The following GRM7 variants were observed in gnomAD, a reference collection of about 807,000 sequenced individuals.
GRM7 encodes the protein metabotropic glutamate receptor 7.
Under a neutral mutation model 84.5 loss-of-function variants are expected in GRM7, and 35 were observed. That is an observed-to-expected ratio of 0.41 (90% CI 0.32 to 0.55). The LOEUF (loss-of-function observed/expected upper bound fraction) is 0.55. Ranked by LOEUF, GRM7 falls within the 20% of genes least tolerant of loss-of-function variation. The pLI is 0.19. For synonymous variants in GRM7, 487 were observed against 455.1 expected, an observed-to-expected ratio of 1.07 and a Z score of -0.89; for missense variants, 1,003 against 1,194.6, an observed-to-expected ratio of 0.84 and a Z score of 2.36.
At chr3:7,332,383 G>A (rs898508049) in intron 4 of GRM7, among the ~76,000 whole-genome samples, 4 of 152,118 alleles carry the variant, frequency 2.6e-5, no homozygotes, top group Non-Finnish European at 5.9e-5. Flanking sequence ...TTTCCATACA[G>A]CTATGATCAA....
chr3:7,563,640 A>G (rs1268318325), intron 7 of GRM7, among the ~76,000 whole-genome samples: 1 of 152,228 alleles, frequency 6.6e-6, no homozygotes, highest in Admixed American at 6.5e-5. Flanking sequence ...GGACTCTGGT[A>G]TTAAAGGGAA....
At chr3:7,226,790 T>A (rs1194066602) in intron 2 of GRM7, among the ~76,000 whole-genome samples, 1 of 152,228 alleles carries the variant, frequency 6.6e-6, no homozygotes, top group South Asian at 2.1e-4. Context: ...AATGTACTCA[T>A]GCTGTGTTAC....
In GRM7 at chr3:7,461,574, C is replaced by T. The variant is rs756217157; in HGVS notation, c.1376-9C>T. On this transcript the variant is annotated splice_polypyrimidine_tract_variant and intron_variant, in intron 6 of 9. Coordinates refer to ENST00000357716, the MANE Select transcript of GRM7 (RefSeq NM_000844.4). ...CTTTAGAATCTTTCATTTTTTCTGT[C>T]TTCCTTAGGTAGTGCTGGCACTCCA... 4 of 1,606,560 alleles carry T rather than the reference C, an allele frequency of 2.5e-6. No homozygotes were observed. Among genetic ancestry groups the T allele is most frequent in the Admixed American group, 3.4e-5 (2 of 59,646 alleles).
At chr3:7,152,031 C>A (rs1574965807) in intron 2 of GRM7, among the ~76,000 whole-genome samples, 1 of 152,000 alleles carries the variant, frequency 6.6e-6, no homozygotes, top group African/African-American at 2.4e-5. Context: ...AATATAGATA[C>A]TAAACATTTG....
At chr3:7,332,128 C>T (rs891100636) in intron 4 of GRM7, among the ~76,000 whole-genome samples, 5 of 152,146 alleles carry the variant, frequency 3.3e-5, no homozygotes, top group African/African-American at 1.2e-4. Flanking sequence ...GACACCACAC[C>T]TGAGCAGGAT....
At chr3:7,293,481 G>A (rs1211647353) in intron 2 of GRM7, among the ~76,000 whole-genome samples, 1 of 152,178 alleles carries the variant, frequency 6.6e-6, no homozygotes, top group Non-Finnish European at 1.5e-5. Context: ...GAGGTGCTAT[G>A]AATGGAGTTG....
chr3:7,530,811 T>C (rs1215739879), intron 7 of GRM7, among the ~76,000 whole-genome samples: 2 of 151,864 alleles, frequency 1.3e-5, no homozygotes, highest in East Asian at 3.9e-4. Flanking sequence ...TTCCTGTAAA[T>C]TTGTTTCTTT....
chr3:6,955,764 C>A (rs1693018542), intron 1 of GRM7, among the ~76,000 whole-genome samples: 1 of 151,232 alleles, frequency 6.6e-6, no homozygotes, highest in South Asian at 2.1e-4. Flanking sequence ...ATCACATGAA[C>A]CCTTAAGGCA....
intron 8 of GRM7, among the ~76,000 whole-genome samples, chr3:7,609,355 G>A (rs1206336620): frequency 2.6e-5 from 4 of 151,892 alleles, no homozygotes; most frequent in African/African-American, 9.7e-5. Context: ...TCAATGCTGG[G>A]AGAAATAACA....
At chr3:7,526,222 A>G (rs1428202585) in intron 7 of GRM7, among the ~76,000 whole-genome samples, 1 of 152,106 alleles carries the variant, frequency 6.6e-6, no homozygotes, top group East Asian at 1.9e-4. Flanking sequence ...TGACCTTTTA[A>G]TAACAGCCAT....
At chr3:7,183,344 A>G (rs1695406936) in intron 2 of GRM7, among the ~76,000 whole-genome samples, 1 of 152,094 alleles carries the variant, frequency 6.6e-6, no homozygotes, top group Non-Finnish European at 1.5e-5. Flanking sequence ...AAAAATAATG[A>G]AGCTGGGCGT....
chr3:7,374,450 A>T (rs1428859098), intron 4 of GRM7, among the ~76,000 whole-genome samples: 4 of 151,832 alleles, frequency 2.6e-5, no homozygotes, highest in Admixed American at 2.0e-4. Flanking sequence ...GAGCACTGGG[A>T]TTACAGATGT....
chr3:7,010,586 GTGA>G (rs2124893413), intron 1 of GRM7, among the ~76,000 whole-genome samples: 1 of 152,320 alleles, frequency 6.6e-6, no homozygotes, highest in South Asian at 2.1e-4. Context: ...GATATTGAGG[GTGA>G]TAAGACATTG....
Position 6,928,167 on chromosome 3 carries a change from G to A in GRM7, c.519+66260G>A, listed in dbSNP as rs1697378929. Among the ~76,000 whole-genome samples, 1 of 151,238 alleles carries A rather than the reference G, an allele frequency of 6.6e-6. No homozygotes were observed. The highest frequency in any genetic ancestry group is 2.4e-5 in the African/African-American group (1 of 41,092). ...TCATTGATCCTGTTGCCTCTTCCAA[G>A]CACGTTGCTTGGTTTGCATTAACTG... On this transcript the variant is annotated intron_variant, in intron 1 of 9. Transcript: ENST00000357716. This position sits in a 1 kb window ranked among gnomAD's most constrained non-coding sequence, Gnocchi z 4.5.
At chr3:7,313,553 G>T (rs1187599145) in intron 4 of GRM7, among the ~76,000 whole-genome samples, 1 of 152,042 alleles carries the variant, frequency 6.6e-6, no homozygotes, top group East Asian at 1.9e-4. Flanking sequence ...AATATTACCT[G>T]TAAATTAATG....
At chr3:7,718,451 A>G (rs930780858) in intron 9 of GRM7, among the ~76,000 whole-genome samples, 2 of 152,208 alleles carry the variant, frequency 1.3e-5, no homozygotes, top group Non-Finnish European at 2.9e-5. Flanking sequence ...CCCAGGCAAC[A>G]CTAAAAAGAC....
At chr3:7,484,667 A>G (rs1214664578) in intron 7 of GRM7, among the ~76,000 whole-genome samples, 1 of 152,204 alleles carries the variant, frequency 6.6e-6, no homozygotes, top group African/African-American at 2.4e-5. Context: ...AATAGTAAAT[A>G]AAACAGAAAA....
At chr3:7,114,542 C>T (rs913719495) in intron 1 of GRM7, among the ~76,000 whole-genome samples, 2 of 152,112 alleles carry the variant, frequency 1.3e-5, no homozygotes, top group African/African-American at 4.8e-5. Flanking sequence ...AATGCAGTCT[C>T]CTCTTTCCTC....
chr3:7,416,915 A>G (rs1696184232), intron 5 of GRM7, among the ~76,000 whole-genome samples: 1 of 152,102 alleles, frequency 6.6e-6, no homozygotes, highest in African/African-American at 2.4e-5. Flanking sequence ...GATTGAAGAC[A>G]GTTTTCCTGG....
Sources: gnomAD v4.1 joint callset for allele counts (sites outside exome capture counted in the v4.1 genomes callset) on GRCh38, gnomAD v4.1.1 for gene constraint, Gnocchi (gnomAD v3.1) non-coding constraint, MANE v1.5 for transcripts, NCBI Gene and HGNC (gene_info 2026-07-23, HGNC 2026-07-21) for gene names.